Variants in SLC9A9 observed in about 807,000 individuals in gnomAD.
SLC9A9 encodes solute carrier family 9 member A9.
SLC9A9 carries 62 observed loss-of-function variants against 77.8 expected under a neutral mutation model. That is an observed-to-expected ratio of 0.80 (90% CI 0.65 to 0.98). SLC9A9 has a LOEUF of 0.98. Among genes scored for constraint, SLC9A9 ranks in the 50% least tolerant of loss-of-function variants. The pLI is 0.00. For synonymous variants in SLC9A9, 320 were observed against 283.5 expected, an observed-to-expected ratio of 1.13 and a Z score of -1.29; for missense variants, 775 against 774.9, an observed-to-expected ratio of 1.00 and a Z score of 0.00.
intron 6 of SLC9A9, among the ~76,000 whole-genome samples, chr3:143,644,705 T>C (rs1275000453): frequency 6.6e-6 from 1 of 151,858 alleles, no homozygotes; most frequent in African/African-American, 2.4e-5. Context: ...GTCTGAAAAA[T>C]GAAGTCAGCA....
chr3:143,847,898 A>T, intron 1 of SLC9A9: 3 of 546,956 alleles, frequency 5.5e-6, no homozygotes, highest in Non-Finnish European at 9.9e-6. Flanking sequence ...ATGGACCCGC[A>T]TCTGTCAACA....
intron 12 of SLC9A9, among the ~76,000 whole-genome samples, chr3:143,444,722 T>C (rs1385623831): frequency 1.3e-5 from 2 of 152,216 alleles, no homozygotes; most frequent in African/African-American, 4.8e-5. Flanking sequence ...GCAATCTTCT[T>C]ATTTTCCTTC....
At chr3:143,789,007 G>C (rs1194913171) in intron 4 of SLC9A9, among the ~76,000 whole-genome samples, 2 of 151,980 alleles carry the variant, frequency 1.3e-5, no homozygotes, top group East Asian at 3.9e-4. Context: ...AAATTAAGAG[G>C]GAAAATTGAT....
At chr3:143,702,637 G>A (rs932076547) in intron 4 of SLC9A9, among the ~76,000 whole-genome samples, 2 of 151,362 alleles carry the variant, frequency 1.3e-5, no homozygotes, top group Non-Finnish European at 2.9e-5. Context: ...TTAAGAGGAA[G>A]AGAGGAAGAA....
intron 6 of SLC9A9, among the ~76,000 whole-genome samples, chr3:143,585,640 T>C (rs895433603): frequency 6.6e-6 from 1 of 152,214 alleles, no homozygotes; most frequent in African/African-American, 2.4e-5. Context: ...GACTGAGACC[T>C]GTCACAGATA....
intron 12 of SLC9A9, among the ~76,000 whole-genome samples, chr3:143,419,340 A>G (rs2034255723): frequency 1.3e-5 from 2 of 152,234 alleles, no homozygotes; most frequent in South Asian, 4.1e-4. Context: ...AAGAGGTCAC[A>G]CAGAGAGTAT....
At chr3:143,480,760 ATAAT>A (rs1342041424) in intron 11 of SLC9A9, among the ~76,000 whole-genome samples, 3 of 152,260 alleles carry the variant, frequency 2.0e-5, no homozygotes, top group African/African-American at 7.2e-5. Flanking sequence ...AGGCAGTGGC[ATAAT>A]TAAAGACACA....
At chr3:143,298,628 G>T (rs1228373151) in intron 14 of SLC9A9, among the ~76,000 whole-genome samples, 3 of 152,306 alleles carry the variant, frequency 2.0e-5, no homozygotes, top group Admixed American at 6.5e-5. Context: ...AAGTATAGCT[G>T]AACTATTTCA....
chr3:143,604,321 C>A (rs769642519), intron 6 of SLC9A9, among the ~76,000 whole-genome samples: 2 of 152,168 alleles, frequency 1.3e-5, no homozygotes, highest in Non-Finnish European at 2.9e-5. Context: ...GGGTGCGAAG[C>A]TCTGGAAACA....
chr3:143,614,422 C>T (rs942744872), intron 6 of SLC9A9, among the ~76,000 whole-genome samples: 7 of 152,186 alleles, frequency 4.6e-5, no homozygotes, highest in African/African-American at 1.4e-4. Context: ...TACTGAGCCA[C>T]AAAGCATATT....
chr3:143,332,482 T>C (rs906482987), intron 14 of SLC9A9, among the ~76,000 whole-genome samples: 3 of 152,114 alleles, frequency 2.0e-5, no homozygotes, highest in Non-Finnish European at 4.4e-5. Flanking sequence ...TGAATTAGAG[T>C]GGGGAGAATC....
At chr3:143,336,014 T>C (rs1275903527) in intron 14 of SLC9A9, among the ~76,000 whole-genome samples, 1 of 152,158 alleles carries the variant, frequency 6.6e-6, no homozygotes, top group Non-Finnish European at 1.5e-5. Context: ...AAACCACTGA[T>C]AATGGAGTAA....
chr3:143,406,505 G>A (rs2033984016), intron 12 of SLC9A9, among the ~76,000 whole-genome samples: 1 of 151,932 alleles, frequency 6.6e-6, no homozygotes, highest in Non-Finnish European at 1.5e-5. Flanking sequence ...AGCCTCCCGA[G>A]TAGCTGGGAT....
chr3:143,374,111 A>C (rs1202690860), intron 13 of SLC9A9, among the ~76,000 whole-genome samples: 1 of 152,148 alleles, frequency 6.6e-6, no homozygotes, highest in Non-Finnish European at 1.5e-5. Context: ...AAAAAAATTC[A>C]AATGACTTTT....
At position 143,467,113 on chromosome 3, in the gene SLC9A9, T is replaced by C. The variant is rs779273830; in HGVS notation, c.1393A>G (p.Thr465Ala). Residue 465 changes from threonine to alanine, a missense_variant, in exon 12 of 16, where the codon ACG becomes GCG. By Grantham distance (58) the Thr-to-Ala change is moderately conservative. Transcript: ENST00000316549. ...SQPKQMMFTT[T>A]LLLVFFTVWV... Reference sequence around the variant, plus strand: ...ACAGTGAAGAACACGAGGAGCAGCGTAGTGGTAAACATCATTTGTTTGGGC... The same window carrying C: ...ACAGTGAAGAACACGAGGAGCAGCGCAGTGGTAAACATCATTTGTTTGGGC... The C allele has an allele frequency of 1.2e-5, 20 of 1,614,040 alleles. No homozygotes were observed. The highest frequency in any genetic ancestry group is 1.4e-5 in the Non-Finnish European group (16 of 1,180,016).
chr3:143,756,360 G>T (rs1290716731), intron 4 of SLC9A9, among the ~76,000 whole-genome samples: 1 of 152,140 alleles, frequency 6.6e-6, no homozygotes, highest in Non-Finnish European at 1.5e-5. Flanking sequence ...AGCATGAAAG[G>T]AAGGTTACCT....
chr3:143,576,415 G>A (rs1419630069), intron 7 of SLC9A9, among the ~76,000 whole-genome samples: 3 of 152,154 alleles, frequency 2.0e-5, no homozygotes, highest in African/African-American at 7.2e-5. Context: ...AGTGAGCTAC[G>A]TATCCTCCTT....
chr3:143,678,105 C>T (rs1932944446), intron 5 of SLC9A9, among the ~76,000 whole-genome samples: 1 of 152,178 alleles, frequency 6.6e-6, no homozygotes, highest in African/African-American at 2.4e-5. Context: ...GGATTACAGG[C>T]ATGAGCCACC....
At chr3:143,469,284 G>A (rs1299866887) in intron 11 of SLC9A9, among the ~76,000 whole-genome samples, 1 of 152,168 alleles carries the variant, frequency 6.6e-6, no homozygotes, top group African/African-American at 2.4e-5. Context: ...GCAAAGGAAA[G>A]GAGCTAAAAT....
Sources: allele counts gnomAD v4.1 joint callset (sites outside exome capture counted in the v4.1 genomes callset), GRCh38; gene constraint gnomAD v4.1.1; transcripts MANE v1.5; gene names NCBI Gene and HGNC (gene_info 2026-07-23, HGNC 2026-07-21).